Variants in SLC6A16 observed in about 807,000 individuals in gnomAD.
The protein encoded by SLC6A16 is orphan sodium- and chloride-dependent neurotransmitter transporter NTT5.
Under a neutral mutation model 65.4 loss-of-function variants are expected in SLC6A16, and 54 were observed. That is an observed-to-expected ratio of 0.83 (90% CI 0.66 to 1.04). SLC6A16 has a LOEUF of 1.04. SLC6A16 is among the 50% of genes least tolerant of loss of function. The probability of loss-of-function intolerance (pLI) is 0.00; values close to 1 mark genes in which losing one functional copy is unlikely to be tolerated. For missense variants in SLC6A16, 816 were observed against 914.0 expected, an observed-to-expected ratio of 0.89 and a Z score of 1.38; for synonymous variants, 330 against 346.5, an observed-to-expected ratio of 0.95 and a Z score of 0.53.
intron 7 of SLC6A16, among the ~76,000 whole-genome samples, chr19:49,305,221 C>T (rs950222146): frequency 6.6e-6 from 1 of 152,160 alleles, no homozygotes; most frequent in African/African-American, 2.4e-5. Context: ...ATGGAGAGGC[C>T]TCATGGAAGA....
At chr19:49,311,638 C>T (rs1413426768) in intron 1 of SLC6A16, among the ~76,000 whole-genome samples, 1 of 151,948 alleles carries the variant, frequency 6.6e-6, no homozygotes, top group Non-Finnish European at 1.5e-5. Flanking sequence ...CACCTGAGGT[C>T]AGGAGTTCGA....
intron 1 of SLC6A16, among the ~76,000 whole-genome samples, chr19:49,318,311 G>A (rs1046870203): frequency 3.3e-5 from 5 of 152,060 alleles, no homozygotes; most frequent in African/African-American, 1.2e-4. Flanking sequence ...AACATTTAAA[G>A]TGGCATAAAC....
upstream of SLC6A16, among the ~76,000 whole-genome samples, chr19:49,329,946 TAAAGG>T (rs891168754): frequency 2.6e-5 from 4 of 151,930 alleles, no homozygotes; most frequent in Non-Finnish European, 4.4e-5. Flanking sequence ...CCTTGTCTCT[TAAAGG>T]AAAGAAAAGT....
chr19:49,290,972 G>A (rs1275894085), intron 10 of SLC6A16, among the ~76,000 whole-genome samples: 1 of 152,098 alleles, frequency 6.6e-6, no homozygotes, highest in African/African-American at 2.4e-5. Flanking sequence ...CCCCTCTCCT[G>A]CTCAAGAACT....
At chr19:49,331,064 A>G in the SLC6A16 span, among the ~76,000 whole-genome samples, 1 of 152,264 alleles carries the variant, frequency 6.6e-6, no homozygotes, top group East Asian at 1.9e-4. Context: ...CAACAAAAAT[A>G]TATTATCTCA....
chr19:49,305,121 G>A (rs1256171543), intron 7 of SLC6A16, among the ~76,000 whole-genome samples: 4 of 152,188 alleles, frequency 2.6e-5, no homozygotes. Context: ...AGCAGCAATG[G>A]AAGCAGTCCT....
chr19:49,290,812 C>G (rs1056282150), intron 10 of SLC6A16, 45 bp from the exon 11 acceptor site: 27 of 1,540,122 alleles, frequency 1.8e-5, no homozygotes, highest in Non-Finnish European at 2.1e-5. Flanking sequence ...TTAGGCCTCA[C>G]CACCTTGGAG....
In SLC6A16 at chr19:49,311,043, G is replaced by T. The variant is rs1421264581; in HGVS notation, c.305C>A (p.Ala102Asp). ...TEKKESEVLL[A>D]RPFWSSKTEY... is the part of the protein sequence containing the mutation. ...AGTTTTGCTGGACCAGAACGGACGG[G>T]CAAGGAGGACCTCACTCTCTTTCTT... is the stretch of plus-strand genomic sequence containing the variant. Residue 102 changes from alanine (A) to aspartate (D), a missense_variant, in exon 2 of 12, where the codon GCC (alanine) becomes GAC (aspartate). Physicochemically the swap from Ala to Asp is moderately radical, Grantham distance 126. Transcript: ENST00000335875. 6.2e-7 allele frequency: 1 copy of T among 1,614,178 alleles called. No individual in the cohort carries two copies. The highest frequency in any genetic ancestry group is 8.5e-7 in the Non-Finnish European group (1 of 1,180,026).
intron 1 of SLC6A16, among the ~76,000 whole-genome samples, chr19:49,321,232 T>C (rs551201557): frequency 6.6e-6 from 1 of 151,320 alleles, no homozygotes; most frequent in South Asian, 2.1e-4. Flanking sequence ...CAATATAATA[T>C]ACCACATTAA....
At chr19:49,335,285 G>A in the SLC6A16 span, 1 of 524,012 alleles carries the variant, frequency 1.9e-6, no homozygotes, top group Non-Finnish European at 3.4e-6. This position sits in a 1 kb window ranked among gnomAD's most constrained non-coding sequence, Gnocchi z 4.6. Flanking sequence ...AAATTCCAAG[G>A]CCCCTCAGGT....
chr19:49,329,101 T>G (rs115224670), upstream of SLC6A16, among the ~76,000 whole-genome samples: 1,596 of 149,336 alleles, frequency 0.011, 26 homozygotes, highest in African/African-American at 0.037. Flanking sequence ...GTTTATTGTG[T>G]TTTTTTTTTG....
In SLC6A16 at chr19:49,292,452, C is replaced by T. The variant is rs1970095850; in HGVS notation, c.1778+771G>A. On this transcript the variant is annotated intron_variant, in intron 10 of 11. Coordinates refer to ENST00000335875, the MANE Select transcript of SLC6A16 (RefSeq NM_014037.3). The surrounding 1 kb of genome is among the most constrained non-coding windows in gnomAD (Gnocchi z 4.3). ...GACTCTTCCTGGTCTGTTCTCCAGA[C>T]AGCAGCCATAAATACCTTTTTAAAA... Among the ~76,000 whole-genome samples the T allele has an allele frequency of 6.6e-6, 1 of 152,194 alleles. No homozygotes were observed. The highest frequency in any genetic ancestry group is 2.4e-5 in the African/African-American group (1 of 41,464).
At chr19:49,335,795 G>A in the SLC6A16 span, 1 of 1,607,494 alleles carries the variant, frequency 6.2e-7, no homozygotes, top group Non-Finnish European at 8.5e-7. The surrounding 1 kb of genome is among the most constrained non-coding windows in gnomAD (Gnocchi z 4.6). Flanking sequence ...GGGTGAGGGG[G>A]GCTGGGGCAG....
intron 7 of SLC6A16, among the ~76,000 whole-genome samples, chr19:49,295,273 G>A (rs891632905): frequency 6.6e-5 from 10 of 152,020 alleles, no homozygotes; most frequent in East Asian, 3.9e-4. Flanking sequence ...CCAGCTATTC[G>A]GGAGGCTGAG....
rs866859320 is a variant in SLC6A16, at chr19:49,318,886, T to C, written c.-65+6162A>G. Among the ~76,000 whole-genome samples the C allele has an allele frequency of 8.9e-4, 133 of 149,902 alleles. 1 individual carries two copies. The highest frequency in any genetic ancestry group is 3.1e-3 in the African/African-American group (127 of 40,800). ...ACTGGCTATTTTTTTTTTTTTTTTTTTTTTTTAGTAGAGACAGGGTTTTGC... is the reference window on the plus strand; with the variant it reads ...ACTGGCTATTTTTTTTTTTTTTTTTCTTTTTTAGTAGAGACAGGGTTTTGC... On this transcript the variant is annotated intron_variant, in intron 1 of 11. Coordinates refer to ENST00000335875, the MANE Select transcript of SLC6A16 (RefSeq NM_014037.3).
the SLC6A16 span, chr19:49,338,025 TC>T: frequency 6.2e-7 from 1 of 1,613,762 alleles, no homozygotes; most frequent in Non-Finnish European, 8.5e-7. This position sits in a 1 kb window ranked among gnomAD's most constrained non-coding sequence, Gnocchi z 5.0. Context: ...TATGTGCAGT[TC>T]CAGGTAAGCC....
chr19:49,293,060 AAT>A (rs2146066801), intron 10 of SLC6A16, 161 bp downstream of exon 10: 1 of 613,784 alleles, frequency 1.6e-6, no homozygotes, highest in East Asian at 2.8e-5. Context: ...CAGCACCCAA[AAT>A]ATATGTGAAA....
At chr19:49,304,717 A>G (rs61626042) in intron 7 of SLC6A16, among the ~76,000 whole-genome samples, 3,394 of 152,356 alleles carry the variant, frequency 0.022, 127 homozygotes, top group African/African-American at 0.071. Flanking sequence ...CCACCAGGTG[A>G]GAGAAAAGAA....
chr19:49,317,384 A>G (rs1204944674), intron 1 of SLC6A16, among the ~76,000 whole-genome samples: 1 of 152,048 alleles, frequency 6.6e-6, no homozygotes, highest in Non-Finnish European at 1.5e-5. Context: ...ATTAATTAAA[A>G]GATAATTTTA....
Sources: allele counts gnomAD v4.1 joint callset (sites outside exome capture counted in the v4.1 genomes callset), GRCh38; gene constraint gnomAD v4.1.1; non-coding constraint Gnocchi (gnomAD v3.1); transcripts MANE v1.5; gene names NCBI Gene and HGNC (gene_info 2026-07-23, HGNC 2026-07-21).